LRCH3: variants seen among roughly 807,000 people sequenced by gnomAD.
The protein encoded by LRCH3 is DISP complex protein LRCH3.
In LRCH3, 68 loss-of-function variants were observed where a neutral mutation model predicts 104.5. The observed-to-expected ratio is 0.65, with a 90% CI of 0.54 to 0.80. The LOEUF (loss-of-function observed/expected upper bound fraction) is 0.80. LRCH3 is among the 30% of genes least tolerant of loss of function. The pLI, the probability that LRCH3 is intolerant of heterozygous loss-of-function variation, is 0.00. For synonymous variants in LRCH3, 344 were observed against 361.3 expected, an observed-to-expected ratio of 0.95 and a Z score of 0.54; for missense variants, 951 against 953.9, an observed-to-expected ratio of 1.00 and a Z score of 0.04.
chr3:197,840,711 G>A lies in LRCH3; in HGVS notation c.1328+1314G>A, dbSNP rs1737677946. On this transcript the variant is annotated intron_variant, in intron 10 of 20. Coordinates refer to ENST00000425562, the MANE Select transcript of LRCH3 (RefSeq NM_001365715.1). ...GGACTGAGCTATAGATGGAATAAAT[G>A]TGTAGGGAGAAAAAAGACAGACATC... Among the ~76,000 whole-genome samples, 5 of 130,630 alleles carry A rather than the reference G, an allele frequency of 3.8e-5. No individual in the cohort carries two copies. In the Admixed American group the frequency reaches 4.1e-4, roughly 11 times the overall value. The allele number at this position is 130,630 out of a possible 152,430, so 85.7% of individuals were successfully genotyped here.
intron 9 of LRCH3, among the ~76,000 whole-genome samples, chr3:197,838,111 A>T (rs193070767): frequency 6.6e-6 from 1 of 151,172 alleles, no homozygotes; most frequent in Admixed American, 6.6e-5. Flanking sequence ...CCTAGGAGAG[A>T]TTTGTGTTTA....
rs910216728 is a variant in LRCH3 at position 197,854,979 on chromosome 3, C to T, written c.1644+534C>T. 6.6e-6 allele frequency among the ~76,000 whole-genome samples: 1 copy of T among 152,208 alleles called. No individual in the cohort carries two copies. The highest frequency in any genetic ancestry group is 1.9e-4 in the East Asian group (1 of 5,202). On this transcript the variant is annotated intron_variant, in intron 14 of 20. Transcript: ENST00000425562. This position sits in a 1 kb window ranked among gnomAD's most constrained non-coding sequence, Gnocchi z 4.5. ...GCTGATCGTGTTGAACACTGGCTTA[C>T]TTTTATTGCCTGTTTCATCAGCTCA...
chr3:197,876,239 CA>C (rs2109550133), intron 20 of LRCH3: 1 of 152,544 alleles, frequency 6.6e-6, no homozygotes, highest in East Asian at 1.9e-4. Flanking sequence ...ACGTCTAATA[CA>C]AACATAGGAC....
In LRCH3 at chr3:197,820,449, A is replaced by G. The variant is rs1455295401; in HGVS notation, c.640+19A>G. 12 of 1,388,900 alleles carry G rather than the reference A, an allele frequency of 8.6e-6. No individual in the cohort carries two copies. The highest frequency in any genetic ancestry group is 1.2e-5 in the Non-Finnish European group (12 of 983,722). 86.0% of individuals were successfully genotyped at this position (1,388,900 alleles called of 1,614,324 possible). ...CCTGAAGGTAAGAAACTATGAAATAAGAAACCATGAAATAATTGTTTTATT... is the reference window on the plus strand; with the variant it reads ...CCTGAAGGTAAGAAACTATGAAATAGGAAACCATGAAATAATTGTTTTATT... On this transcript the variant is annotated intron_variant, in intron 4 of 20. Coordinates refer to ENST00000425562, the MANE Select transcript of LRCH3 (RefSeq NM_001365715.1).
chr3:197,838,909 C>T (rs1737351663), intron 9 of LRCH3, among the ~76,000 whole-genome samples: 1 of 152,134 alleles, frequency 6.6e-6, no homozygotes, highest in African/African-American at 2.4e-5. Flanking sequence ...AGTGAACTCA[C>T]TATTACCAGA....
chr3:197,804,737 C>A (rs1732282247), intron 1 of LRCH3, among the ~76,000 whole-genome samples: 1 of 152,190 alleles, frequency 6.6e-6, no homozygotes, highest in Non-Finnish European at 1.5e-5. Flanking sequence ...GTGGTCCAAT[C>A]AACAGTGACC....
intron 1 of LRCH3, among the ~76,000 whole-genome samples, chr3:197,792,826 A>G (rs1730772662): frequency 6.6e-6 from 1 of 150,708 alleles, no homozygotes; most frequent in Non-Finnish European, 1.5e-5. Flanking sequence ...TAATTTTTGG[A>G]TTTTTATTAG....
chr3:197,832,442 T>C, intron 8 of LRCH3, 125 bp downstream of exon 8: 1 of 879,054 alleles, frequency 1.1e-6, no homozygotes, highest in South Asian at 2.3e-5. Flanking sequence ...TAAAGACTTC[T>C]TTTCATATAT....
intron 20 of LRCH3, chr3:197,882,684 A>C (rs924015788): frequency 2.0e-6 from 2 of 984,826 alleles, no homozygotes; most frequent in South Asian, 4.7e-5. Flanking sequence ...TGCTGTTCTT[A>C]AGATTTGCCT....
chr3:197,839,369 G>A lies in LRCH3; in HGVS notation c.1300G>A (p.Asp434Asn). The change falls in exon 10 of 21, where the codon GAT becomes AAT. Residue 434 changes from aspartate (D) to asparagine (N), a missense_variant. Transcript: ENST00000425562. ...VAIREFQKTE[D>N]MRRYLHQNRV... ...CATTAGGGAGTTTCAAAAAACAGAA[G>A]ATATGAGAAGATATTTACATCAAAA... 1 of 1,594,824 alleles carries A rather than the reference G, an allele frequency of 6.3e-7. No individual in the cohort carries two copies. The highest frequency in any genetic ancestry group is 8.5e-7 in the Non-Finnish European group (1 of 1,173,312).
chr3:197,798,280 A>G lies in LRCH3; in HGVS notation c.262+6740A>G, dbSNP rs141465581. Among the ~76,000 whole-genome samples the G allele has an allele frequency of 3.9e-3, 593 of 152,276 alleles. 1 individual carries two copies. Among genetic ancestry groups the G allele is most frequent in the Middle Eastern group, 0.01 (3 of 294 alleles). Reference sequence around the variant, plus strand: ...TGTCTCAAAAAAAATAAATAAATAAATAAATGAGAGAGAAGCAATCTCAGA... The same window carrying G: ...TGTCTCAAAAAAAATAAATAAATAAGTAAATGAGAGAGAAGCAATCTCAGA... On this transcript the variant is annotated intron_variant, in intron 1 of 20. Transcript: ENST00000425562.
intron 1 of LRCH3, among the ~76,000 whole-genome samples, chr3:197,807,436 T>C (rs1732636120): frequency 6.6e-6 from 1 of 151,966 alleles, no homozygotes; most frequent in African/African-American, 2.4e-5. Context: ...TTAGCCAGGA[T>C]AGTCTCGATC....
intron 4 of LRCH3, among the ~76,000 whole-genome samples, chr3:197,825,453 G>T (rs1735052538): frequency 3.1e-5 from 2 of 65,176 alleles, no homozygotes; most frequent in African/African-American, 1.1e-4. Flanking sequence ...CCTCTTTGTT[G>T]ATCCTCTTTG....
intron 8 of LRCH3, among the ~76,000 whole-genome samples, chr3:197,833,365 G>GGA (rs755877946): frequency 1.3e-3 from 44 of 33,336 alleles, no homozygotes; most frequent in African/African-American, 5.9e-3. Context: ...ACTAAAAACC[G>GGA]AAAAAAAAAA....
chr3:197,848,733 A>G (rs910762603), intron 12 of LRCH3, among the ~76,000 whole-genome samples: 55 of 152,350 alleles, frequency 3.6e-4, no homozygotes, highest in African/African-American at 1.3e-3. Context: ...ATGGTCAATA[A>G]GTATTTGTTG....
chr3:197,838,543 C>T (rs1737266201), intron 9 of LRCH3, among the ~76,000 whole-genome samples: 1 of 152,050 alleles, frequency 6.6e-6, no homozygotes, highest in African/African-American at 2.4e-5. Context: ...TGATGAATAA[C>T]CATTTTGATG....
intron 2 of LRCH3, 67 bp downstream of exon 2, chr3:197,815,119 C>G: frequency 1.0e-6 from 1 of 993,934 alleles, no homozygotes; most frequent in Non-Finnish European, 1.4e-6. Flanking sequence ...TCCCCTTTCC[C>G]TAAAATATTT....
intron 1 of LRCH3, among the ~76,000 whole-genome samples, chr3:197,798,175 C>T (rs1731475599): frequency 6.6e-6 from 1 of 152,016 alleles, no homozygotes; most frequent in African/African-American, 2.4e-5. Flanking sequence ...GTGGGAGAAT[C>T]GCTTGAGTCT....
intron 19 of LRCH3, among the ~76,000 whole-genome samples, chr3:197,875,367 T>C (rs754191848): frequency 1.3e-5 from 2 of 152,220 alleles, no homozygotes; most frequent in Non-Finnish European, 2.9e-5. Flanking sequence ...GCAAATATTT[T>C]TTAATGTTGC....
Sources: gnomAD v4.1 joint callset for allele counts (sites outside exome capture counted in the v4.1 genomes callset) on GRCh38, gnomAD v4.1.1 for gene constraint, Gnocchi (gnomAD v3.1) non-coding constraint, MANE v1.5 for transcripts, NCBI Gene and HGNC (gene_info 2026-07-23, HGNC 2026-07-21) for gene names.